KCTD8: variants seen among roughly 807,000 people sequenced by gnomAD.
KCTD8 encodes the protein BTB/POZ domain-containing protein KCTD8.
In KCTD8, 27 loss-of-function variants were observed where a neutral mutation model predicts 31.5. That is an observed-to-expected ratio of 0.86 (90% CI 0.63 to 1.18). The LOEUF (loss-of-function observed/expected upper bound fraction) is 1.18. KCTD8 is among the 50% of genes most tolerant of loss of function. The pLI is 0.00. For synonymous variants in KCTD8, 290 were observed against 280.0 expected, an observed-to-expected ratio of 1.04 and a Z score of -0.36; for missense variants, 658 against 647.7, an observed-to-expected ratio of 1.02 and a Z score of -0.17.
Position 44,364,761 on chromosome 4 carries a change from G to A in KCTD8, c.961+82802C>T, listed in dbSNP as rs79404738. Among the ~76,000 whole-genome samples the A allele has an allele frequency of 2.3e-3, 346 of 152,050 alleles. 12 individuals are homozygous for A. In the East Asian group the frequency reaches 0.058, roughly 25 times the overall value. On this transcript the variant is annotated intron_variant, in intron 1 of 1. Coordinates refer to ENST00000360029, the MANE Select transcript of KCTD8 (RefSeq NM_198353.3). ...TAACAAGCCAAGAAATGACATGGAG[G>A]GAACTTAAATACATATTGCTAAGTC... is the stretch of plus-strand genomic sequence containing the variant.
chr4:44,312,386 G>A (rs1717980159), intron 1 of KCTD8, among the ~76,000 whole-genome samples: 1 of 152,094 alleles, frequency 6.6e-6, no homozygotes, highest in South Asian at 2.1e-4. Flanking sequence ...TCAATAATCT[G>A]TTATCTTTTC....
At chr4:44,331,138 T>TA (rs557695221) in intron 1 of KCTD8, among the ~76,000 whole-genome samples, 36 of 152,010 alleles carry the variant, frequency 2.4e-4, no homozygotes, top group East Asian at 2.3e-3. Flanking sequence ...GGAAGTTCAT[T>TA]AAAAAATAAA....
intron 1 of KCTD8, among the ~76,000 whole-genome samples, chr4:44,311,585 G>C (rs1717953075): frequency 6.6e-6 from 1 of 151,940 alleles, no homozygotes; most frequent in Non-Finnish European, 1.5e-5. Context: ...CAGATAGTGA[G>C]GCTGTCATTA....
At chr4:44,218,628 AAAAT>A (rs1432752609) in intron 1 of KCTD8, among the ~76,000 whole-genome samples, 2 of 140,722 alleles carry the variant, frequency 1.4e-5, no homozygotes, top group Non-Finnish European at 3.1e-5. Context: ...CAAAAATTAA[AAAAT>A]AAATAAAGAA....
intron 1 of KCTD8, among the ~76,000 whole-genome samples, chr4:44,397,880 A>G (rs944244400): frequency 6.6e-6 from 1 of 152,258 alleles, no homozygotes. Context: ...TACCTAAAAA[A>G]TTGATTTTTT....
chr4:44,333,616 T>C (rs1285957274), intron 1 of KCTD8, among the ~76,000 whole-genome samples: 2 of 152,122 alleles, frequency 1.3e-5, no homozygotes, highest in Non-Finnish European at 2.9e-5. Context: ...ACTCATCCAT[T>C]TCCTCACACA....
chr4:44,359,703 A>G (rs980834118), intron 1 of KCTD8, among the ~76,000 whole-genome samples: 1 of 152,122 alleles, frequency 6.6e-6, no homozygotes, highest in Non-Finnish European at 1.5e-5. Flanking sequence ...AAATCCATGT[A>G]GGGCAATAAT....
At chr4:44,385,694 A>T (rs77157160) in intron 1 of KCTD8, among the ~76,000 whole-genome samples, 10,074 of 151,674 alleles carry the variant, frequency 0.066, 420 homozygotes, top group South Asian at 0.11. Context: ...AAAATAGATA[A>T]GCCGCATTAT....
chr4:44,345,565 C>T (rs940009519), intron 1 of KCTD8, among the ~76,000 whole-genome samples: 1 of 152,080 alleles, frequency 6.6e-6, no homozygotes, highest in Non-Finnish European at 1.5e-5. Context: ...ATTCACGAAA[C>T]ATTAAGTGCT....
At chr4:44,190,470 T>C (rs1173589083) in intron 1 of KCTD8, among the ~76,000 whole-genome samples, 1 of 152,204 alleles carries the variant, frequency 6.6e-6, no homozygotes, top group Non-Finnish European at 1.5e-5. Context: ...AGAATATAGG[T>C]GGTGCTCTAT....
chr4:44,327,039 G>A (rs774062768), intron 1 of KCTD8, among the ~76,000 whole-genome samples: 1 of 151,872 alleles, frequency 6.6e-6, no homozygotes, highest in Non-Finnish European at 1.5e-5. Context: ...ACACTTTCAA[G>A]GAAGATTTGT....
intron 1 of KCTD8, among the ~76,000 whole-genome samples, chr4:44,441,809 A>C (rs925425423): frequency 6.6e-6 from 1 of 152,224 alleles, no homozygotes; most frequent in African/African-American, 2.4e-5. Context: ...GTGACAATAA[A>C]TGTGATAGTA....
intron 1 of KCTD8, among the ~76,000 whole-genome samples, chr4:44,195,788 G>A (rs1713923296): frequency 6.6e-6 from 1 of 152,250 alleles, no homozygotes; most frequent in Non-Finnish European, 1.5e-5. Flanking sequence ...GGAGGTAAGA[G>A]GGCTGAGAGG....
chr4:44,326,984 T>C (rs1718456962), intron 1 of KCTD8, among the ~76,000 whole-genome samples: 1 of 151,844 alleles, frequency 6.6e-6, no homozygotes, highest in African/African-American at 2.4e-5. Flanking sequence ...GGCTCTCAGT[T>C]TGGAAATAAA....
At chr4:44,270,715 G>A (rs1716568813) in intron 1 of KCTD8, among the ~76,000 whole-genome samples, 2 of 151,944 alleles carry the variant, frequency 1.3e-5, no homozygotes. Context: ...TGGGTCGTTG[G>A]CAACCATGCT....
chr4:44,254,007 AACCTGTGTT>A (rs1438391475), intron 1 of KCTD8, among the ~76,000 whole-genome samples: 1 of 151,844 alleles, frequency 6.6e-6, no homozygotes, highest in Non-Finnish European at 1.5e-5. Flanking sequence ...TAAAAAAGGC[AACCTGTGTT>A]ATATGTGGTG....
At chr4:44,205,325 T>C (rs530809154) in intron 1 of KCTD8, among the ~76,000 whole-genome samples, 2 of 152,328 alleles carry the variant, frequency 1.3e-5, no homozygotes, top group East Asian at 3.9e-4. Flanking sequence ...GTGTAGTGGA[T>C]AGTGTGAAAC....
intron 1 of KCTD8, among the ~76,000 whole-genome samples, chr4:44,343,100 G>A (rs1718947934): frequency 6.6e-6 from 1 of 152,158 alleles, no homozygotes; most frequent in Non-Finnish European, 1.5e-5. Flanking sequence ...TCACAAATTG[G>A]CTGTTTGGTG....
chr4:44,347,577 T>C (rs1357196050), intron 1 of KCTD8, among the ~76,000 whole-genome samples: 1 of 152,196 alleles, frequency 6.6e-6, no homozygotes, highest in Non-Finnish European at 1.5e-5. Flanking sequence ...CTTGAGCTTT[T>C]TCAGCTAAAC....
Sources: allele counts gnomAD v4.1 joint callset (sites outside exome capture counted in the v4.1 genomes callset), GRCh38; gene constraint gnomAD v4.1.1; transcripts MANE v1.5; gene names NCBI Gene and HGNC (gene_info 2026-07-23, HGNC 2026-07-21).